MAML2: variants seen among roughly 807,000 people sequenced by gnomAD.
The protein encoded by MAML2 is mastermind like transcriptional coactivator 2.
In MAML2, 22 loss-of-function variants were observed where a neutral mutation model predicts 96.1. The observed-to-expected ratio is 0.23, with a 90% CI of 0.16 to 0.33. MAML2 has a LOEUF of 0.33. Among genes scored for constraint, MAML2 ranks in the 10% least tolerant of loss-of-function variants. MAML2 has a pLI of 1.00. For synonymous variants in MAML2, 561 were observed against 521.3 expected (o/e 1.08, Z -1.04); for missense variants, 1,367 against 1,392.4 (o/e 0.98, Z 0.29).
intron 1 of MAML2, among the ~76,000 whole-genome samples, chr11:96,239,430 C>A (rs1862403899): frequency 6.6e-6 from 1 of 152,128 alleles, no homozygotes; most frequent in African/African-American, 2.4e-5. Flanking sequence ...CTATTTTCGT[C>A]AATTTCAGAG....
chr11:95,981,303 A>T (rs759599449), intron 4 of MAML2, among the ~76,000 whole-genome samples: 2 of 152,254 alleles, frequency 1.3e-5, no homozygotes, highest in Non-Finnish European at 2.9e-5. Flanking sequence ...AAGAGGCTCC[A>T]CACAACAGAT....
At chr11:96,288,460 G>A (rs574716908) in intron 1 of MAML2, among the ~76,000 whole-genome samples, 1 of 151,522 alleles carries the variant, frequency 6.6e-6, no homozygotes, top group Non-Finnish European at 1.5e-5. Flanking sequence ...GAGAATTGCT[G>A]GAACCTGGGA....
At chr11:96,176,867 G>C (rs527469620) in intron 1 of MAML2, among the ~76,000 whole-genome samples, 21 of 152,026 alleles carry the variant, frequency 1.4e-4, no homozygotes, top group Non-Finnish European at 2.2e-4. Flanking sequence ...CAAAATCAAA[G>C]AATTTTCCTG....
intron 2 of MAML2, among the ~76,000 whole-genome samples, chr11:96,028,804 T>C (rs1249079683): frequency 6.6e-6 from 1 of 152,200 alleles, no homozygotes; most frequent in Non-Finnish European, 1.5e-5. Flanking sequence ...ATTGTATCCC[T>C]TTACTGTATT....
At chr11:96,174,022 A>G (rs1408652584) in intron 1 of MAML2, among the ~76,000 whole-genome samples, 1 of 152,208 alleles carries the variant, frequency 6.6e-6, no homozygotes, top group Non-Finnish European at 1.5e-5. Flanking sequence ...TTAAGCAGCA[A>G]TGACTTCACA....
Position 95,994,191 on chromosome 11 carries a change from T to C in MAML2, c.2140-2468A>G, listed in dbSNP as rs144211460. Among the ~76,000 whole-genome samples, 37 of 152,256 alleles carry C rather than the reference T, an allele frequency of 2.4e-4. No homozygotes were observed. The East Asian group carries it at 6.6e-3, about 27-fold the overall frequency. Reference sequence around the variant, plus strand: ...GGTCAGGAAGGTGGAAAGAAGTGTGTTGGAGAGAAGGACAGGGGAGTGAGG... The same window carrying C: ...GGTCAGGAAGGTGGAAAGAAGTGTGCTGGAGAGAAGGACAGGGGAGTGAGG... On this transcript the variant is annotated intron_variant, in intron 2 of 4. Transcript: ENST00000524717.
rs574230635 is a variant in MAML2, at chr11:96,093,381, C to T, written c.650G>A (p.Gly217Asp). The T allele has an allele frequency of 1.2e-6, 2 of 1,613,982 alleles. No individual in the cohort carries two copies. The highest frequency in any genetic ancestry group is 4.5e-5 in the East Asian group (2 of 44,890). Residue 217 changes from glycine (G) to aspartate (D), a missense_variant, in exon 2 of 5, where the codon GGT (glycine) becomes GAT (aspartate). Physicochemically the swap from Gly to Asp is moderately conservative, Grantham distance 94. Coordinates refer to ENST00000524717, the MANE Select transcript of MAML2 (RefSeq NM_032427.4). ...TTGTCCATTGTTTATTTGGAGGCCA[C>T]CTTGTCCTGCAGAGAGATTCTCCCC... The part of the protein sequence containing the change: ...RVGENLSAGQ[G>D]GLQINNGQSQ...
intron 1 of MAML2, among the ~76,000 whole-genome samples, chr11:96,106,051 A>G (rs780726311): frequency 6.6e-6 from 1 of 152,182 alleles, no homozygotes; most frequent in African/African-American, 2.4e-5. Flanking sequence ...TTTCTTGATT[A>G]TTTAAATGAC....
chr11:96,200,634 C>A (rs1465157608), intron 1 of MAML2, among the ~76,000 whole-genome samples: 2 of 152,206 alleles, frequency 1.3e-5, no homozygotes, highest in African/African-American at 4.8e-5. Context: ...CATGGCTATG[C>A]CTCAATCCAC....
At chr11:96,217,430 T>A (rs1474940917) in intron 1 of MAML2, among the ~76,000 whole-genome samples, 1 of 152,242 alleles carries the variant, frequency 6.6e-6, no homozygotes, top group Non-Finnish European at 1.5e-5. Flanking sequence ...TAGCGTGGTA[T>A]GTCAGTAGAC....
At chr11:96,323,773 G>A (rs1358979341) in intron 1 of MAML2, among the ~76,000 whole-genome samples, 3 of 152,086 alleles carry the variant, frequency 2.0e-5, no homozygotes, top group South Asian at 2.1e-4. Context: ...GTGCCTGCAG[G>A]GCAGATGTCG....
intron 1 of MAML2, among the ~76,000 whole-genome samples, chr11:96,187,445 T>C (rs1168719676): frequency 6.6e-6 from 1 of 152,240 alleles, no homozygotes; most frequent in Admixed American, 6.5e-5. Flanking sequence ...GAATCACTGC[T>C]GATCCTATCC....
chr11:96,126,937 G>C (rs1185957470), intron 1 of MAML2, among the ~76,000 whole-genome samples: 1 of 152,116 alleles, frequency 6.6e-6, no homozygotes, highest in Non-Finnish European at 1.5e-5. Context: ...ATGAGAAAAA[G>C]GCTTGAGCAG....
intron 1 of MAML2, among the ~76,000 whole-genome samples, chr11:96,157,845 C>G (rs1282119614): frequency 6.6e-6 from 1 of 152,176 alleles, no homozygotes; most frequent in Non-Finnish European, 1.5e-5. Context: ...TTTATATTGC[C>G]TTTGTGGGTA....
chr11:96,127,321 G>C (rs185774848), intron 1 of MAML2, among the ~76,000 whole-genome samples: 2 of 152,272 alleles, frequency 1.3e-5, no homozygotes, highest in African/African-American at 4.8e-5. Flanking sequence ...ACTATTGTTA[G>C]ATTACTTATT....
At chr11:96,222,529 G>A (rs1301213214) in intron 1 of MAML2, among the ~76,000 whole-genome samples, 1 of 152,152 alleles carries the variant, frequency 6.6e-6, no homozygotes, top group Non-Finnish European at 1.5e-5. Flanking sequence ...TTAAGAAAAA[G>A]ACAAATTAAT....
At position 96,342,109 on chromosome 11, in the gene MAML2, G is replaced by C; in HGVS notation, c.-214C>G. 1 of 553,266 alleles carries C rather than the reference G, an allele frequency of 1.8e-6. No individual in the cohort carries two copies. Among genetic ancestry groups the C allele is most frequent in the South Asian group, 2.7e-5 (1 of 37,674 alleles). 34.3% of individuals were successfully genotyped at this position (553,266 alleles called of 1,614,324 possible). ...GGGAGAAAGAATAGAAACCAACTGG[G>C]GGGAGGATAAGTTGGAAACAAACCC... On this transcript the variant is annotated 5_prime_UTR_variant, in exon 1 of 5. Coordinates refer to ENST00000524717, the MANE Select transcript of MAML2 (RefSeq NM_032427.4).
chr11:96,172,803 A>G (rs1200584449), intron 1 of MAML2, among the ~76,000 whole-genome samples: 2 of 152,244 alleles, frequency 1.3e-5, no homozygotes, highest in African/African-American at 4.8e-5. Context: ...CTGTGTGTAT[A>G]TTATGGAATG....
intron 2 of MAML2, 47 bp downstream of exon 2, chr11:96,091,845 C>A (rs371912666): frequency 6.3e-7 from 1 of 1,575,120 alleles, no homozygotes; most frequent in Admixed American, 1.8e-5. Flanking sequence ...AAAGATCAAG[C>A]TAAATGGTCT....
Sources: gnomAD v4.1 joint callset for allele counts (sites outside exome capture counted in the v4.1 genomes callset) on GRCh38, gnomAD v4.1.1 for gene constraint, MANE v1.5 for transcripts, NCBI Gene and HGNC (gene_info 2026-07-23, HGNC 2026-07-21) for gene names.